CNTNAP1: variants seen among roughly 807,000 people sequenced by gnomAD.
CNTNAP1 encodes contactin associated protein 1.
CNTNAP1 carries 80 observed loss-of-function variants against 161.5 expected under a neutral mutation model. That is an observed-to-expected ratio of 0.50 (90% confidence interval 0.41 to 0.60). The LOEUF (loss-of-function observed/expected upper bound fraction) is 0.60. Among genes scored for constraint, CNTNAP1 ranks in the 20% least tolerant of loss-of-function variants. CNTNAP1 has a pLI of 0.00. For missense variants in CNTNAP1, 1,464 were observed against 1,854.8 expected (o/e 0.79, Z 3.87); for synonymous variants, 695 against 733.1 (o/e 0.95, Z 0.84).
chr17:42,686,467 C>CTT (rs1567970428), intron 6 of CNTNAP1, among the ~76,000 whole-genome samples: 1 of 61,766 alleles, frequency 1.6e-5, no homozygotes, highest in Non-Finnish European at 3.2e-5. Flanking sequence ...AGAAAAAGGC[C>CTT]TGTTTTTTTT....
rs374434783 is a variant in CNTNAP1, at chr17:42,690,523, C to CA, written c.1856-197dup. Among the ~76,000 whole-genome samples, 49,864 of 106,462 alleles carry CA rather than the reference C, an allele frequency of 0.47. 10,960 individuals carry two copies. Among genetic ancestry groups the CA allele is most frequent in the South Asian group, 0.54 (1,754 of 3,262 alleles). 69.8% of individuals were successfully genotyped at this position (106,462 alleles called of 152,430 possible). A position where few individuals can be genotyped will look rare whatever the true frequency, so the allele number is the denominator to read the frequency against. On this transcript the variant is annotated intron_variant, in intron 12 of 23. Transcript: ENST00000264638. ...TGGGCAACAGAGCGAGACTTCATCTCAAAAAAAAAAAAAAAAAAAGTATAT... is the reference window on the plus strand; with the variant it reads ...TGGGCAACAGAGCGAGACTTCATCTCAAAAAAAAAAAAAAAAAAAAGTATAT...
intron 6 of CNTNAP1, among the ~76,000 whole-genome samples, chr17:42,686,448 C>T (rs184252412): frequency 6.9e-4 from 103 of 148,966 alleles, no homozygotes; most frequent in Non-Finnish European, 1.3e-3. Flanking sequence ...GGCAAACTTG[C>T]CACTCACCAG....
At position 42,698,780 on chromosome 17, in the gene CNTNAP1, T is replaced by G. The variant is rs570981828; in HGVS notation, c.4025T>G (p.Val1342Gly). Residue 1342 changes from valine to glycine, a missense_variant, in exon 24 of 24, where the codon GTC (valine) becomes GGC (glycine). This residue lies in a region of CNTNAP1 where 1,383 missense variants were observed against 1,765.0 expected (regional missense o/e 0.78). Coordinates refer to ENST00000264638, the MANE Select transcript of CNTNAP1 (RefSeq NM_003632.3). ...PPLPTSGPAQ[V>G]PTPTAAPNQA... is the part of the protein sequence containing the mutation. ...CTACCCACTTCAGGCCCTGCCCAGG[T>G]CCCCACCCCTACAGCAGCTCCCAAC... is the stretch of plus-strand genomic sequence containing the variant. 3 of 1,611,340 alleles carry G rather than the reference T, an allele frequency of 1.9e-6. No individual in the cohort carries two copies. The East Asian group carries it at 6.7e-5, about 36-fold the overall frequency.
chr17:42,684,070 G>T lies in CNTNAP1; in HGVS notation c.204G>T (p.Pro68=). 1 of 1,614,186 alleles carries T rather than the reference G, an allele frequency of 6.2e-7. No individual in the cohort carries two copies. The highest frequency in any genetic ancestry group is 1.1e-5 in the South Asian group (1 of 91,074). Reference sequence around the variant, plus strand: ...GGTGGTCACCACGGATTGGGGATCCGAATCCCTGGCTCCAGATAGACTTAA... The same window carrying T: ...GGTGGTCACCACGGATTGGGGATCCTAATCCCTGGCTCCAGATAGACTTAA... The part of the protein sequence containing the change: ...ISGWSPRIGD[P]NPWLQIDLMK... The change falls in exon 3 of 24, where the codon CCG becomes CCT. Residue 68 remains proline (P), a synonymous_variant. Coordinates refer to ENST00000264638, the MANE Select transcript of CNTNAP1 (RefSeq NM_003632.3).
intron 6 of CNTNAP1, among the ~76,000 whole-genome samples, chr17:42,686,351 C>T (rs1200609214): frequency 2.6e-5 from 4 of 151,028 alleles, no homozygotes; most frequent in Non-Finnish European, 5.9e-5. Flanking sequence ...CTCACCTGGG[C>T]AACATAGTGA....
chr17:42,696,225 CA>C, intron 20 of CNTNAP1, 73 bp downstream of exon 20: 1 of 1,560,112 alleles, frequency 6.4e-7, no homozygotes, highest in Non-Finnish European at 8.8e-7. Flanking sequence ...AGGAAAACAT[CA>C]AATACTTAAT....
chr17:42,697,903 A>G lies in CNTNAP1; in HGVS notation c.3815A>G (p.Asp1272Gly). 1 of 1,614,110 alleles carries G rather than the reference A, an allele frequency of 6.2e-7. No individual in the cohort carries two copies. Among genetic ancestry groups the G allele is most frequent in the Non-Finnish European group, 8.5e-7 (1 of 1,180,000 alleles). ...PELDPWYLPPDFPYYHDEGWV... is the reference protein window; with the variant it reads ...PELDPWYLPPGFPYYHDEGWV... ...CTAACTGGTGCTTTCTCCTCTCCAGACTTCCCCTACTACCATGATGAAGGA... is the reference window on the plus strand; with the variant it reads ...CTAACTGGTGCTTTCTCCTCTCCAGGCTTCCCCTACTACCATGATGAAGGA... Residue 1272 changes from aspartate to glycine, a missense_variant and splice_region_variant, in exon 23 of 24, where the codon GAC (aspartate) becomes GGC (glycine). Transcript: ENST00000264638.
chr17:42,685,504 C>A lies in CNTNAP1; in HGVS notation c.715+84C>A. ...CCTCGTGGCACCTCCTCCGCGCATC[C>A]GCGCTCAGCCTGGTCTTCCACTTCT... On this transcript the variant is annotated intron_variant, in intron 5 of 23. Coordinates refer to ENST00000264638, the MANE Select transcript of CNTNAP1 (RefSeq NM_003632.3). The surrounding 1 kb of genome is among the most constrained non-coding windows in gnomAD (Gnocchi z 5.0). 4 of 1,304,782 alleles carry A rather than the reference C, an allele frequency of 3.1e-6. No homozygotes were observed. Among genetic ancestry groups the A allele is most frequent in the South Asian group, 2.6e-5 (2 of 75,766 alleles). 80.8% of individuals were successfully genotyped at this position (1,304,782 alleles called of 1,614,324 possible).
rs533215306 is a variant in CNTNAP1, at chr17:42,687,405, G to C, written c.1045-315G>C. ...CAACCCTCTCCGACTCTGGAGCTCT[G>C]TTGGGAAGCTGGCAGGAGCCAGGTC... On this transcript the variant is annotated intron_variant, in intron 7 of 23. Transcript: ENST00000264638. This position sits in a 1 kb window ranked among gnomAD's most constrained non-coding sequence, Gnocchi z 4.7. The C allele has an allele frequency of 6.1e-5, 32 of 521,360 alleles. No homozygotes were observed. The South Asian group carries it at 7.6e-4, about 12-fold the overall frequency. The allele number at this position is 521,360 out of a possible 1,614,324, so 32.3% of individuals were successfully genotyped here.
At position 42,696,082 on chromosome 17, in the gene CNTNAP1, C is replaced by A; in HGVS notation, c.3404C>A (p.Thr1135Asn). Residue 1135 changes from threonine to asparagine, a missense_variant, in exon 20 of 24, where the codon ACT (threonine) becomes AAT (asparagine). Thr to Asn is a moderately conservative substitution (Grantham distance 65). Around this residue, in one of 3 missense-constraint regions of CNTNAP1, gnomAD observed 1,383 missense variants for 1,765.0 expected, o/e 0.78. Coordinates refer to ENST00000264638, the MANE Select transcript of CNTNAP1 (RefSeq NM_003632.3). ...GTSPYVYQLT[T>N]RPVTDGQPHS... is the part of the protein sequence containing the mutation. ...AGTCCCTACGTGTACCAGCTAACCACTCGACCAGTGACCGATGGCCAGCCC... is the reference window on the plus strand; with the variant it reads ...AGTCCCTACGTGTACCAGCTAACCAATCGACCAGTGACCGATGGCCAGCCC... The A allele has an allele frequency of 6.2e-7, 1 of 1,614,184 alleles. No homozygotes were observed. The highest frequency in any genetic ancestry group is 8.5e-7 in the Non-Finnish European group (1 of 1,180,036).
Position 42,687,389 on chromosome 17 carries a change from C to A in CNTNAP1, c.1045-331C>A. 1 of 511,646 alleles carries A rather than the reference C, an allele frequency of 2.0e-6. No homozygotes were observed. The highest frequency in any genetic ancestry group is 3.5e-5 in the Admixed American group (1 of 28,214). 31.7% of individuals were successfully genotyped at this position (511,646 alleles called of 1,614,324 possible). A position where few individuals can be genotyped will look rare whatever the true frequency, so the allele number is the denominator to read the frequency against. On this transcript the variant is annotated intron_variant, in intron 7 of 23. Coordinates refer to ENST00000264638, the MANE Select transcript of CNTNAP1 (RefSeq NM_003632.3). This position sits in a 1 kb window ranked among gnomAD's most constrained non-coding sequence, Gnocchi z 4.7. Reference sequence around the variant, plus strand: ...TCTGATATGCCCCCCTCAACCCTCTCCGACTCTGGAGCTCTGTTGGGAAGC... The same window carrying A: ...TCTGATATGCCCCCCTCAACCCTCTACGACTCTGGAGCTCTGTTGGGAAGC...
intron 3 of CNTNAP1, among the ~76,000 whole-genome samples, chr17:42,684,596 G>A (rs2052980638): frequency 6.6e-6 from 1 of 152,086 alleles, no homozygotes; most frequent in Non-Finnish European, 1.5e-5. Flanking sequence ...AGATTGGCTG[G>A]GTGTGAAAGT....
chr17:42,696,029 C>A lies in CNTNAP1; in HGVS notation c.3351C>A (p.Thr1117=), dbSNP rs35750567. The change falls in exon 20 of 24, where the codon ACC becomes ACA. Residue 1117 remains threonine (T), a synonymous_variant. Coordinates refer to ENST00000264638, the MANE Select transcript of CNTNAP1 (RefSeq NM_003632.3). ...TTTCTTCTCCCCACCCCACAGGGACCCTTCAGCTGCGATATCAGCTGGGCA... is the reference window on the plus strand; with the variant it reads ...TTTCTTCTCCCCACCCCACAGGGACACTTCAGCTGCGATATCAGCTGGGCA... ...YMAVLIKDDG[T]LQLRYQLGTS... The A allele has an allele frequency of 2.5e-6, 4 of 1,614,088 alleles. No homozygotes were observed. The South Asian group carries it at 4.4e-5, about 18-fold the overall frequency.
rs2053148294 is a variant in CNTNAP1 at position 42,696,053 on chromosome 17, C to T, written c.3375C>T (p.Gly1125=). The part of the protein sequence containing the change: ...DGTLQLRYQL[G]TSPYVYQLTT... ...CCCTTCAGCTGCGATATCAGCTGGG[C>T]ACCAGTCCCTACGTGTACCAGCTAA... The change falls in exon 20 of 24, where the codon GGC becomes GGT. Residue 1125 remains glycine, a synonymous_variant. Transcript: ENST00000264638. 3 of 1,614,058 alleles carry T rather than the reference C, an allele frequency of 1.9e-6. No homozygotes were observed. The highest frequency in any genetic ancestry group is 1.1e-5 in the South Asian group (1 of 91,084).
rs768782416 is a variant in CNTNAP1, at chr17:42,691,450, T to A, written c.2283T>A (p.Asp761Glu). The A allele has an allele frequency of 6.2e-7, 1 of 1,614,096 alleles. No homozygotes were observed. The highest frequency in any genetic ancestry group is 1.1e-5 in the South Asian group (1 of 91,084). ...CTGTCACTCAGGTAGTGATAGGGGA[T>A]ACGAACCGCTCCACTTCTGAGGCCC... ...HLPVTQVVIGDTNRSTSEAQF... is the reference protein window; with the variant it reads ...HLPVTQVVIGETNRSTSEAQF... The change falls in exon 15 of 24, where the codon GAT (aspartate) becomes GAA (glutamate). Residue 761 changes from aspartate (D) to glutamate (E), a missense_variant. Asp to Glu is a conservative substitution (Grantham distance 45). Coordinates refer to ENST00000264638, the MANE Select transcript of CNTNAP1 (RefSeq NM_003632.3). The surrounding 1 kb of genome is among the most constrained non-coding windows in gnomAD (Gnocchi z 4.3).
chr17:42,698,082 A>G (rs1162526867), intron 23 of CNTNAP1, 132 bp downstream of exon 23: 1 of 1,024,958 alleles, frequency 9.8e-7, no homozygotes, highest in African/African-American at 1.6e-5. Context: ...AAGGATGATG[A>G]GACAGGCTAT....
At position 42,687,545 on chromosome 17, in the gene CNTNAP1, C is replaced by T. The variant is rs1426675645; in HGVS notation, c.1045-175C>T. 12 of 830,918 alleles carry T rather than the reference C, an allele frequency of 1.4e-5. No individual in the cohort carries two copies. The highest frequency in any genetic ancestry group is 1.9e-5 in the Non-Finnish European group (10 of 533,530). The allele number at this position is 830,918 out of a possible 1,614,324, so 51.5% of individuals were successfully genotyped here. A position where few individuals can be genotyped will look rare whatever the true frequency, so the allele number is the denominator to read the frequency against. ...CCGAGGGCCGACTGGGTTGGGGCCCCCTCCACAGATGGACGAGCTTGGAGG... is the reference window on the plus strand; with the variant it reads ...CCGAGGGCCGACTGGGTTGGGGCCCTCTCCACAGATGGACGAGCTTGGAGG... On this transcript the variant is annotated intron_variant, in intron 7 of 23. Coordinates refer to ENST00000264638, the MANE Select transcript of CNTNAP1 (RefSeq NM_003632.3). This position sits in a 1 kb window ranked among gnomAD's most constrained non-coding sequence, Gnocchi z 4.7.
rs934305577 is a variant in CNTNAP1, at chr17:42,685,877, C to T, written c.716-80C>T. The stretch of plus-strand genomic sequence containing the variant: ...CCTGATTGCCCTGGGCTTTGTTACA[C>T]GCTGCTGCTCTGCCTAGGAGCTTGG... On this transcript the variant is annotated intron_variant, in intron 5 of 23. Transcript: ENST00000264638. The surrounding 1 kb of genome is among the most constrained non-coding windows in gnomAD (Gnocchi z 5.0). 4 of 1,469,116 alleles carry T rather than the reference C, an allele frequency of 2.7e-6. No individual in the cohort carries two copies. The highest frequency in any genetic ancestry group is 1.2e-5 in the South Asian group (1 of 81,064). The allele number at this position is 1,469,116 out of a possible 1,614,324, so 91.0% of individuals were successfully genotyped here.
At chr17:42,695,988 G>A in intron 19 of CNTNAP1, 37 bp from the exon 20 acceptor site, 2 of 1,610,538 alleles carry the variant, frequency 1.2e-6, no homozygotes, top group Non-Finnish European at 1.7e-6. Context: ...GGAGTCATGG[G>A]GCCTGAGACC....
Sources: allele counts gnomAD v4.1 joint callset (sites outside exome capture counted in the v4.1 genomes callset), GRCh38; gene constraint gnomAD v4.1.1; regional missense constraint gnomAD v4.1.1; non-coding constraint Gnocchi (gnomAD v3.1); transcripts MANE v1.5; gene names NCBI Gene and HGNC (gene_info 2026-07-23, HGNC 2026-07-21).